The following MTA3 variants were observed in gnomAD, a reference collection of about 807,000 sequenced individuals.
MTA3 encodes the protein metastasis associated 1 family member 3, also known as metastasis-associated protein MTA3.
MTA3 carries 34 observed loss-of-function variants against 83.5 expected under a neutral mutation model. The observed-to-expected ratio is 0.41, with a 90% CI of 0.31 to 0.54. The LOEUF is 0.54. Ranked by LOEUF, MTA3 falls within the 20% of genes least tolerant of loss-of-function variation. The pLI, the probability that MTA3 is intolerant of heterozygous loss-of-function variation, is 0.33. For missense variants in MTA3, 761 were observed against 726.4 expected, an observed-to-expected ratio of 1.05 and a Z score of -0.55; for synonymous variants, 303 against 252.7, an observed-to-expected ratio of 1.20 and a Z score of -1.89.
chr2:42,635,925 C>G (rs942346318), intron 4 of MTA3, among the ~76,000 whole-genome samples: 1 of 152,032 alleles, frequency 6.6e-6, no homozygotes, highest in Admixed American at 6.6e-5. Flanking sequence ...ACCACCACAC[C>G]CAGCTAATTT....
In MTA3 at chr2:42,579,216, C is replaced by A; in HGVS notation, c.190+16C>A. The stretch of plus-strand genomic sequence containing the variant: ...AAGCATGCTAGTAAGTTGTTTTTCT[C>A]TGATTAAAAAAACGTTTTAAGTCTT... On this transcript the variant is annotated intron_variant, in intron 3 of 16. Transcript: ENST00000405094. The A allele has an allele frequency of 6.5e-7, 1 of 1,545,280 alleles. No homozygotes were observed. Among genetic ancestry groups the A allele is most frequent in the Non-Finnish European group, 8.7e-7 (1 of 1,145,442 alleles).
intron 4 of MTA3, among the ~76,000 whole-genome samples, chr2:42,627,606 C>A (rs577037725): frequency 6.6e-6 from 1 of 151,536 alleles, no homozygotes; most frequent in African/African-American, 2.4e-5. Flanking sequence ...CTCTGTCTCT[C>A]AGGTTGGAGT....
At chr2:42,683,242 A>G (rs1446478549) in intron 9 of MTA3, among the ~76,000 whole-genome samples, 6 of 152,204 alleles carry the variant, frequency 3.9e-5, no homozygotes, top group African/African-American at 1.2e-4. Flanking sequence ...CTTTTAGACT[A>G]GTTGCTCTGC....
chr2:42,693,421 C>T (rs974865028), intron 9 of MTA3, among the ~76,000 whole-genome samples: 3 of 152,198 alleles, frequency 2.0e-5, no homozygotes, highest in African/African-American at 7.2e-5. Context: ...ATGTTCTATT[C>T]TGCTGTGACT....
chr2:42,677,663 G>T (rs1691506640), intron 8 of MTA3, among the ~76,000 whole-genome samples: 1 of 152,064 alleles, frequency 6.6e-6, no homozygotes, highest in African/African-American at 2.4e-5. Context: ...TTAAAAATGG[G>T]AGTTCCCTGC....
intron 3 of MTA3, among the ~76,000 whole-genome samples, chr2:42,605,661 G>A (rs1345321130): frequency 3.6e-5 from 4 of 110,886 alleles, no homozygotes; most frequent in African/African-American, 3.4e-5. Flanking sequence ...GGCCGGGCGG[G>A]GGGCTGACCC....
At chr2:42,753,244 C>A in intron 16 of MTA3, 130 bp from the exon 17 acceptor site, 1 of 1,492,316 alleles carries the variant, frequency 6.7e-7, no homozygotes, top group East Asian at 2.5e-5. Context: ...ATGAGATTTT[C>A]TTTGACCTAC....
At chr2:42,524,414 C>T (rs1675573491) in intron 2 of MTA3, among the ~76,000 whole-genome samples, 1 of 151,556 alleles carries the variant, frequency 6.6e-6, no homozygotes, top group Admixed American at 6.6e-5. Flanking sequence ...CATTCTCCTG[C>T]CTCAGCCTCT....
At chr2:42,547,710 A>C (rs969844240) in intron 2 of MTA3, among the ~76,000 whole-genome samples, 1 of 152,230 alleles carries the variant, frequency 6.6e-6, no homozygotes, top group South Asian at 2.1e-4. Flanking sequence ...TTACAGGCGC[A>C]TACTCCTAAA....
chr2:42,551,015 A>G (rs1172741177), intron 2 of MTA3, among the ~76,000 whole-genome samples: 1 of 151,734 alleles, frequency 6.6e-6, no homozygotes, highest in Non-Finnish European at 1.5e-5. Context: ...GCACCATTGC[A>G]CGCCAGCCTG....
intron 2 of MTA3, among the ~76,000 whole-genome samples, chr2:42,528,107 A>G (rs1045660019): frequency 2.0e-5 from 3 of 151,100 alleles, no homozygotes; most frequent in Admixed American, 1.3e-4. Context: ...TTGTATTTTT[A>G]GTAGAGACAG....
intron 3 of MTA3, among the ~76,000 whole-genome samples, chr2:42,604,085 AGGC>A (rs1452278474): frequency 1.2e-3 from 183 of 151,256 alleles, no homozygotes; most frequent in African/African-American, 4.2e-3. Flanking sequence ...CTTGTCGCCC[AGGC>A]TGGAGTGCAA....
At chr2:42,641,012 T>G (rs938562596) in intron 5 of MTA3, among the ~76,000 whole-genome samples, 7 of 152,132 alleles carry the variant, frequency 4.6e-5, no homozygotes, top group African/African-American at 1.7e-4. Flanking sequence ...GTTCAAGCAA[T>G]TCTCATGCTT....
chr2:42,601,109 G>T (rs1231942751), intron 3 of MTA3, among the ~76,000 whole-genome samples: 3 of 151,992 alleles, frequency 2.0e-5, no homozygotes, highest in African/African-American at 7.2e-5. Flanking sequence ...GTTTCACCAT[G>T]TTGTCCAGGA....
chr2:42,719,126 T>C lies in MTA3; in HGVS notation c.1612+52T>C, dbSNP rs1240401278. 7 of 1,357,212 alleles carry C rather than the reference T, an allele frequency of 5.2e-6. No homozygotes were observed. In the Admixed American group the frequency reaches 9.9e-5, roughly 19 times the overall value. The allele number at this position is 1,357,212 out of a possible 1,614,324, so 84.1% of individuals were successfully genotyped here. On this transcript the variant is annotated intron_variant, in intron 15 of 16. Transcript: ENST00000405094. ...CTCAAAGAGCAATTTCTGAATAGTA[T>C]AGATATTTGGCAATTCTAAATGGAC...
At chr2:42,669,207 C>T (rs1248217547) in intron 8 of MTA3, among the ~76,000 whole-genome samples, 1 of 151,662 alleles carries the variant, frequency 6.6e-6, no homozygotes, top group Non-Finnish European at 1.5e-5. Flanking sequence ...GCCTCAGCCT[C>T]CTGAATATCT....
At chr2:42,691,894 G>C (rs1163351328) in intron 9 of MTA3, among the ~76,000 whole-genome samples, 2 of 152,268 alleles carry the variant, frequency 1.3e-5, no homozygotes, top group East Asian at 3.9e-4. Flanking sequence ...AAACGTATTG[G>C]AACTCCATTA....
chr2:42,717,544 G>C (rs574385991), intron 14 of MTA3, among the ~76,000 whole-genome samples: 2 of 152,150 alleles, frequency 1.3e-5, no homozygotes, highest in East Asian at 3.9e-4. Flanking sequence ...CTTTATTTTT[G>C]TCTGAAAATG....
intron 4 of MTA3, among the ~76,000 whole-genome samples, chr2:42,621,571 TC>T (rs973254963): frequency 1.8e-4 from 28 of 152,236 alleles, no homozygotes; most frequent in Non-Finnish European, 3.5e-4. Flanking sequence ...CTCTATCTTT[TC>T]CCCACATTTC....
Sources: gnomAD v4.1 joint callset for allele counts (sites outside exome capture counted in the v4.1 genomes callset) on GRCh38, gnomAD v4.1.1 for gene constraint, MANE v1.5 for transcripts, NCBI Gene and HGNC (gene_info 2026-07-23, HGNC 2026-07-21) for gene names.